The following PCDHA1 variants were observed in gnomAD, a reference collection of about 807,000 sequenced individuals.
The protein encoded by PCDHA1 is protocadherin alpha 1, also known as protocadherin alpha-1.
PCDHA1 carries 42 observed loss-of-function variants against 61.3 expected under a neutral mutation model. That is an observed-to-expected ratio of 0.69 (90% CI 0.54 to 0.89). The LOEUF (loss-of-function observed/expected upper bound fraction) is 0.89. Ranked by LOEUF, PCDHA1 falls within the 40% of genes least tolerant of loss-of-function variation. The probability of loss-of-function intolerance (pLI) is 0.00; values close to 1 mark genes in which losing one functional copy is unlikely to be tolerated. For synonymous variants in PCDHA1, 610 were observed against 553.8 expected (o/e 1.10, Z -1.43); for missense variants, 1,256 against 1,235.3 (o/e 1.02, Z -0.25).
Position 140,787,547 on chromosome 5 carries a change from G to C in PCDHA1, c.1257G>C (p.Ser419=). 2 of 1,614,192 alleles carry C rather than the reference G, an allele frequency of 1.2e-6. No homozygotes were observed. The highest frequency in any genetic ancestry group is 1.7e-6 in the Non-Finnish European group (2 of 1,180,028). ...GCGCCCTGGATCGCGAGAGCCTGTC[G>C]GTCTATGAGCTGGTGGTGACCGCGC... The part of the protein sequence containing the change: ...LDSALDRESL[S]VYELVVTARD... Residue 419 remains serine, a synonymous_variant, in exon 1 of 4, where the codon TCG becomes TCC. Transcript: ENST00000504120.
In PCDHA1 at chr5:140,870,728, C is replaced by A. The variant is rs531202250; in HGVS notation, c.2394+82044C>A. On this transcript the variant is annotated intron_variant, in intron 1 of 3. Coordinates refer to ENST00000504120, the MANE Select transcript of PCDHA1 (RefSeq NM_018900.4). ...GTGAGCGCGCGCGATGCGGGCGTGCCGCCTCTGAGCAGCAACGTGACGCTG... is the reference window on the plus strand; with the variant it reads ...GTGAGCGCGCGCGATGCGGGCGTGCAGCCTCTGAGCAGCAACGTGACGCTG... The A allele has an allele frequency of 5.8e-5, 93 of 1,613,338 alleles. No individual in the cohort carries two copies. Among genetic ancestry groups the A allele is most frequent in the East Asian group, 1.1e-4 (5 of 44,876 alleles).
At chr5:140,801,103 C>T in intron 1 of PCDHA1, 2 of 1,505,556 alleles carry the variant, frequency 1.3e-6, no homozygotes, top group Non-Finnish European at 1.8e-6. Context: ...TAAAATTTAA[C>T]ACCGAGGAGT....
intron 1 of PCDHA1, among the ~76,000 whole-genome samples, chr5:140,935,777 T>C (rs1306193430): frequency 6.6e-6 from 1 of 152,190 alleles, no homozygotes; most frequent in African/African-American, 2.4e-5. Flanking sequence ...TTTGAGTTTT[T>C]TCACTTAAAA....
intron 1 of PCDHA1, chr5:140,803,767 C>A: frequency 1.8e-6 from 2 of 1,087,654 alleles, no homozygotes; most frequent in Non-Finnish European, 2.6e-6. Flanking sequence ...AATTTTTGAA[C>A]CAAATCAGCA....
chr5:140,796,468 C>G lies in PCDHA1; in HGVS notation c.2394+7784C>G, dbSNP rs551711072. ...GCTGGTGGAGCGGCGGGTGGGCGAGCGCGCGTTGTCGAGCTACGTTTCGGT... is the reference window on the plus strand; with the variant it reads ...GCTGGTGGAGCGGCGGGTGGGCGAGGGCGCGTTGTCGAGCTACGTTTCGGT... On this transcript the variant is annotated intron_variant, in intron 1 of 3. Coordinates refer to ENST00000504120, the MANE Select transcript of PCDHA1 (RefSeq NM_018900.4). 3 of 1,612,160 alleles carry G rather than the reference C, an allele frequency of 1.9e-6. No homozygotes were observed. In the South Asian group the frequency reaches 3.3e-5, roughly 18 times the overall value.
rs2150186249 is a variant in PCDHA1 at position 140,830,415 on chromosome 5, G to A, written c.2394+41731G>A. ...ATGGATCTCATGGCCTTTAGCCCCA[G>A]CCTTTCACCTTGTCCTATTATGATG... On this transcript the variant is annotated intron_variant, in intron 1 of 3. Coordinates refer to ENST00000504120, the MANE Select transcript of PCDHA1 (RefSeq NM_018900.4). 22 of 1,614,018 alleles carry A rather than the reference G, an allele frequency of 1.4e-5. No individual in the cohort carries two copies. In the East Asian group the frequency reaches 1.8e-4, roughly 13 times the overall value.
At chr5:140,965,109 C>T (rs940351305) in intron 1 of PCDHA1, among the ~76,000 whole-genome samples, 3 of 152,168 alleles carry the variant, frequency 2.0e-5, no homozygotes, top group African/African-American at 7.2e-5. Context: ...GAAAATGACC[C>T]ATAGAGGAAG....
intron 1 of PCDHA1, chr5:140,849,308 A>C (rs1224094157): frequency 7.7e-7 from 1 of 1,299,604 alleles, no homozygotes; most frequent in Admixed American, 2.3e-5. Flanking sequence ...ATTTAGACGA[A>C]GGCTTGAATG....
chr5:140,878,474 C>A (rs1227598146), intron 1 of PCDHA1, among the ~76,000 whole-genome samples: 1 of 152,134 alleles, frequency 6.6e-6, no homozygotes, highest in Non-Finnish European at 1.5e-5. Flanking sequence ...AATCATTTCT[C>A]AATTTAAAAA....
In PCDHA1 at chr5:140,836,730, A is replaced by G. The variant is rs2150268726; in HGVS notation, c.2394+48046A>G. 6.2e-6 allele frequency: 10 copies of G among 1,610,112 alleles called. No individual in the cohort carries two copies. In the African/African-American group the frequency reaches 1.1e-4, roughly 17 times the overall value. On this transcript the variant is annotated intron_variant, in intron 1 of 3. Transcript: ENST00000504120. The stretch of plus-strand genomic sequence containing the variant: ...CAGCCTTCCTCAGGGTCCATCCTCT[A>G]CAGACAATGTGAGTCATAAATAATC...
At position 140,850,415 on chromosome 5, in the gene PCDHA1, G is replaced by A. The variant is rs2150483298; in HGVS notation, c.2394+61731G>A. On this transcript the variant is annotated intron_variant, in intron 1 of 3. Transcript: ENST00000504120. The stretch of plus-strand genomic sequence containing the variant: ...GCACAACGCGTGCCCTGGACGAAAC[G>A]GACGCACCGCGCCAGCGCCTACTGG... 3.1e-6 allele frequency: 5 copies of A among 1,597,962 alleles called. 1 individual carries two copies. The highest frequency in any genetic ancestry group is 4.3e-6 in the Non-Finnish European group (5 of 1,167,734).
intron 1 of PCDHA1, chr5:140,804,056 T>C (rs782242536): frequency 6.1e-6 from 1 of 163,738 alleles, no homozygotes. Flanking sequence ...CTATTGATTA[T>C]GCTTTTCCAC....
chr5:140,803,543 C>G (rs782432564), intron 1 of PCDHA1: 3 of 1,614,074 alleles, frequency 1.9e-6, no homozygotes, highest in East Asian at 2.2e-5. Flanking sequence ...GTCCAATTAG[C>G]CGGGATAGAG....
intron 1 of PCDHA1, chr5:140,824,423 T>C: frequency 2.0e-6 from 1 of 504,742 alleles, no homozygotes; most frequent in South Asian, 2.9e-5. Context: ...TTTGGAGTCA[T>C]TCTCAAAGTT....
chr5:140,795,940 G>A (rs1350707667), intron 1 of PCDHA1: 4 of 1,613,852 alleles, frequency 2.5e-6, no homozygotes, highest in African/African-American at 1.3e-5. Flanking sequence ...AACTGACAAA[G>A]GAACCCCTTC....
At chr5:140,972,660 A>ATTTTTTTTTTTTTTTTTTTTTTTTTT (rs11350929) in intron 1 of PCDHA1, among the ~76,000 whole-genome samples, 1 of 117,268 alleles carries the variant, frequency 8.5e-6, no homozygotes, top group Non-Finnish European at 1.7e-5. Context: ...AAGAAACCAA[A>ATTTTTTTTTTTTTTTTTTTTTTTTTT]TTTTTTTTTT....
intron 1 of PCDHA1, chr5:140,966,540 C>G (rs1477712677): frequency 4.3e-6 from 2 of 462,788 alleles, no homozygotes; most frequent in African/African-American, 2.0e-5. Flanking sequence ...TTGAGCGACT[C>G]GGAGGCGAGC....
At chr5:140,902,044 AT>A (rs1222362795) in intron 1 of PCDHA1, among the ~76,000 whole-genome samples, 1 of 152,016 alleles carries the variant, frequency 6.6e-6, no homozygotes, top group Admixed American at 6.6e-5. Flanking sequence ...TTGTATGTTG[AT>A]TTTGTATCCT....
chr5:140,988,381 T>C (rs1554250091), intron 3 of PCDHA1, among the ~76,000 whole-genome samples: 3 of 152,158 alleles, frequency 2.0e-5, no homozygotes, highest in Admixed American at 6.5e-5. Flanking sequence ...GTGAAACTCA[T>C]TGTGTTTGCC....
Sources: allele counts gnomAD v4.1 joint callset (sites outside exome capture counted in the v4.1 genomes callset), GRCh38; gene constraint gnomAD v4.1.1; transcripts MANE v1.5; gene names NCBI Gene and HGNC (gene_info 2026-07-23, HGNC 2026-07-21).